Variants in RYR2 observed in about 807,000 individuals in gnomAD.
The protein encoded by RYR2 is ryanodine receptor 2.
RYR2 carries 227 observed loss-of-function variants against 601.1 expected under a neutral mutation model. The observed-to-expected ratio is 0.38, with a 90% CI of 0.34 to 0.42. RYR2 has a LOEUF of 0.42. Among genes scored for constraint, RYR2 ranks in the 10% least tolerant of loss-of-function variants. The pLI is 1.00. For synonymous variants in RYR2, 2,223 were observed against 2,175.1 expected (o/e 1.02, Z -0.61); for missense variants, 4,646 against 6,156.5 (o/e 0.75, Z 8.21).
chr1:237,266,005 T>G (rs1689022446), intron 1 of RYR2, among the ~76,000 whole-genome samples: 2 of 152,216 alleles, frequency 1.3e-5, no homozygotes, highest in African/African-American at 2.4e-5. Context: ...AATAAATTTG[T>G]TTCTTCATGT....
intron 3 of RYR2, among the ~76,000 whole-genome samples, chr1:237,339,891 A>G (rs1697603973): frequency 6.6e-6 from 1 of 152,172 alleles, no homozygotes; most frequent in Admixed American, 6.6e-5. Flanking sequence ...AATTTCCCTC[A>G]TACCCATTGT....
At chr1:237,797,949 A>G in intron 96 of RYR2, 88 bp from the exon 97 acceptor site, 1 of 1,202,816 alleles carries the variant, frequency 8.3e-7, no homozygotes, top group African/African-American at 1.6e-5. Flanking sequence ...TACAGTAAGT[A>G]TAAAAATAAT....
At chr1:237,827,592 C>T (rs150287554) in intron 101 of RYR2, among the ~76,000 whole-genome samples, 3,033 of 145,226 alleles carry the variant, frequency 0.021, 127 homozygotes, top group African/African-American at 0.075. Flanking sequence ...ATTGCACCAC[C>T]GCACTCCAGC....
At chr1:237,711,922 G>A (rs577643842) in intron 71 of RYR2, 85 bp downstream of exon 71, 274 of 698,724 alleles carry the variant, frequency 3.9e-4, no homozygotes, top group Non-Finnish European at 6.1e-4. Context: ...GATTTTCGAA[G>A]ATTTGTAACT....
intron 27 of RYR2, among the ~76,000 whole-genome samples, 188 bp from the exon 28 acceptor site, chr1:237,566,377 CAG>C (rs1422169685): frequency 5.3e-5 from 8 of 152,226 alleles, no homozygotes; most frequent in African/African-American, 1.9e-4. Context: ...GCTGGTCTGA[CAG>C]TGGCTGATCC....
intron 3 of RYR2, among the ~76,000 whole-genome samples, chr1:237,341,207 T>A (rs1697739019): frequency 6.6e-6 from 1 of 152,234 alleles, no homozygotes; most frequent in African/African-American, 2.4e-5. Context: ...TGTGTGTTTA[T>A]AATAGAAAAA....
intron 35 of RYR2, among the ~76,000 whole-genome samples, 171 bp downstream of exon 35, chr1:237,602,282 A>C (rs1676588176): frequency 6.6e-6 from 1 of 152,194 alleles, no homozygotes; most frequent in African/African-American, 2.4e-5. Flanking sequence ...AGGGTAACAA[A>C]ATAATTAAAA....
At position 237,792,166 on chromosome 1, in the gene RYR2, C is replaced by G; in HGVS notation, c.13625C>G (p.Ala4542Gly). ...ELPTRSSSEN[A>G]KVTSLDSSSH... is the part of the protein sequence containing the mutation. ...CCCACGAGAAGTTCAAGTGAAAATG[C>G]CAAAGTGACAAGCCTGGACAGCAGC... The change falls in exon 94 of 105, where the codon GCC (alanine) becomes GGC (glycine). Residue 4542 changes from alanine (A) to glycine (G), a missense_variant. By Grantham distance (60) the Ala-to-Gly change is moderately conservative. Coordinates refer to ENST00000366574, the MANE Select transcript of RYR2 (RefSeq NM_001035.3). 6.2e-7 allele frequency: 1 copy of G among 1,612,130 alleles called. No individual in the cohort carries two copies.
At chr1:237,571,381 C>G (rs1672679050) in intron 29 of RYR2, among the ~76,000 whole-genome samples, 1 of 147,272 alleles carries the variant, frequency 6.8e-6, no homozygotes, top group African/African-American at 2.5e-5. Context: ...ATGGCGCGAT[C>G]TTGACTCACT....
At chr1:237,409,872 A>G (rs559437751) in intron 10 of RYR2, among the ~76,000 whole-genome samples, 2 of 152,266 alleles carry the variant, frequency 1.3e-5, no homozygotes, top group Non-Finnish European at 2.9e-5. Flanking sequence ...TACTTTTAAC[A>G]TATGTAATGG....
chr1:237,221,025 G>A (rs999252521), intron 1 of RYR2, among the ~76,000 whole-genome samples: 1 of 152,074 alleles, frequency 6.6e-6, no homozygotes, highest in Non-Finnish European at 1.5e-5. Flanking sequence ...GAACCCTGGA[G>A]GTGGAGTTTG....
intron 2 of RYR2, among the ~76,000 whole-genome samples, chr1:237,316,573 C>T (rs1178793161): frequency 6.6e-6 from 1 of 152,184 alleles, no homozygotes; most frequent in African/African-American, 2.4e-5. Context: ...GTTTCTCCTC[C>T]TGTGTTCCTT....
At chr1:237,425,776 T>A (rs1310890355) in intron 12 of RYR2, among the ~76,000 whole-genome samples, 1 of 152,060 alleles carries the variant, frequency 6.6e-6, no homozygotes, top group Non-Finnish European at 1.5e-5. Context: ...CTTGTTGTCT[T>A]AGGGGTGGCA....
intron 21 of RYR2, among the ~76,000 whole-genome samples, chr1:237,501,795 C>G (rs527704786): frequency 2.0e-5 from 3 of 152,128 alleles, no homozygotes; most frequent in Non-Finnish European, 4.4e-5. Context: ...TTTTTCCTCA[C>G]TTTTCTTTGC....
rs1357090341 is a variant in RYR2 at position 237,610,505 on chromosome 1, A to G, written c.4684-257A>G. 6.6e-6 allele frequency among the ~76,000 whole-genome samples: 1 copy of G among 152,176 alleles called. No homozygotes were observed. Among genetic ancestry groups the G allele is most frequent in the South Asian group, 2.1e-4 (1 of 4,828 alleles). On this transcript the variant is annotated intron_variant, in intron 35 of 104. Transcript: ENST00000366574. The surrounding 1 kb of genome is among the most constrained non-coding windows in gnomAD (Gnocchi z 4.9). ...GCTTGGCCTTCTCTCTGTGCCATTC[A>G]GTATATGGGAAAGACACATCCCGAA... is the stretch of plus-strand genomic sequence containing the variant.
intron 3 of RYR2, among the ~76,000 whole-genome samples, chr1:237,353,614 T>G (rs1699051798): frequency 6.6e-6 from 1 of 152,058 alleles, no homozygotes; most frequent in Admixed American, 6.6e-5. Flanking sequence ...TTATATTAGA[T>G]TCTTATGTCC....
At chr1:237,826,639 A>G (rs968839310) in intron 101 of RYR2, among the ~76,000 whole-genome samples, 3 of 139,816 alleles carry the variant, frequency 2.1e-5, no homozygotes, top group Non-Finnish European at 3.1e-5. Context: ...AACTTAAAGT[A>G]TAATAAAAAA....
intron 17 of RYR2, among the ~76,000 whole-genome samples, chr1:237,489,454 C>T (rs189139225): frequency 1.0e-3 from 155 of 152,208 alleles, no homozygotes; most frequent in African/African-American, 3.4e-3. Context: ...ATCAGGAGTT[C>T]GAGACCAGCC....
intron 51 of RYR2, among the ~76,000 whole-genome samples, chr1:237,652,872 T>C (rs1682902668): frequency 6.6e-6 from 1 of 152,192 alleles, no homozygotes; most frequent in African/African-American, 2.4e-5. Context: ...TGTGTGGATG[T>C]ATGTATGTGT....
Sources: allele counts gnomAD v4.1 joint callset (sites outside exome capture counted in the v4.1 genomes callset), GRCh38; gene constraint gnomAD v4.1.1; non-coding constraint Gnocchi (gnomAD v3.1); transcripts MANE v1.5; gene names NCBI Gene and HGNC (gene_info 2026-07-23, HGNC 2026-07-21).